EPC1: variants seen among roughly 807,000 people sequenced by gnomAD.
The protein encoded by EPC1 is enhancer of polycomb 1.
Under a neutral mutation model 98.4 loss-of-function variants are expected in EPC1, and 12 were observed. The observed-to-expected ratio is 0.12, with a 90% CI of 0.08 to 0.20. The LOEUF (loss-of-function observed/expected upper bound fraction) is 0.20, where lower values mean the gene tolerates loss of function less well. Among genes scored for constraint, EPC1 ranks in the 10% least tolerant of loss-of-function variants. EPC1 has a pLI of 1.00. For synonymous variants in EPC1, 357 were observed against 363.9 expected, an observed-to-expected ratio of 0.98 and a Z score of 0.21; for missense variants, 729 against 990.5, an observed-to-expected ratio of 0.74 and a Z score of 3.54.
chr10:32,344,036 C>T (rs1167414665), intron 1 of EPC1, among the ~76,000 whole-genome samples: 2 of 152,098 alleles, frequency 1.3e-5, no homozygotes, highest in African/African-American at 4.8e-5. Context: ...TTACAGTGAC[C>T]TAATAAGATA....
At chr10:32,326,996 T>C (rs1837318513) in intron 1 of EPC1, among the ~76,000 whole-genome samples, 1 of 20,796 alleles carries the variant, frequency 4.8e-5, no homozygotes, top group Non-Finnish European at 9.4e-5. Flanking sequence ...GAGAGGGTCC[T>C]CAAAAAAAAA....
chr10:32,344,045 TAAC>T (rs1253169600), intron 1 of EPC1, among the ~76,000 whole-genome samples: 1 of 152,222 alleles, frequency 6.6e-6, no homozygotes, highest in Non-Finnish European at 1.5e-5. Context: ...CCTAATAAGA[TAAC>T]AAATAACTAA....
chr10:32,349,157 C>T (rs1156977094), upstream of EPC1, among the ~76,000 whole-genome samples: 1 of 152,094 alleles, frequency 6.6e-6, no homozygotes, highest in Non-Finnish European at 1.5e-5. Context: ...CTCCAGCCTA[C>T]AACATTAGGT....
At position 32,292,480 on chromosome 10, in the gene EPC1, T is replaced by C. The variant is rs763036744; in HGVS notation, c.815+16A>G. 4 of 1,532,576 alleles carry C rather than the reference T, an allele frequency of 2.6e-6. No individual in the cohort carries two copies. The South Asian group carries it at 3.7e-5, about 14-fold the overall frequency. The allele number at this position is 1,532,576 out of a possible 1,614,324, so 94.9% of individuals were successfully genotyped here. On this transcript the variant is annotated intron_variant, in intron 5 of 13. Coordinates refer to ENST00000319778, the MANE Select transcript of EPC1 (RefSeq NM_001272004.3). ...TGGCACTATACTTCCTCTAACATTA[T>C]TAAAATATACATTACCTCTTTTCCA...
chr10:32,290,505 A>AAAAAAAAAGAAAGAAAG (rs1554819136), intron 6 of EPC1, among the ~76,000 whole-genome samples: 1,016 of 77,314 alleles, frequency 0.013, 17 homozygotes, highest in Non-Finnish European at 0.019. Context: ...AAAAAAAAAA[A>AAAAAAAAAGAAAGAAAG]AAAGAAAGAA....
chr10:32,304,282 T>C (rs536882445), intron 2 of EPC1, among the ~76,000 whole-genome samples: 2 of 152,340 alleles, frequency 1.3e-5, no homozygotes, highest in African/African-American at 4.8e-5. Flanking sequence ...TATAATTTTA[T>C]CTTATTTTAC....
At chr10:32,344,543 T>C (rs181098410) in intron 1 of EPC1, among the ~76,000 whole-genome samples, 392 of 149,546 alleles carry the variant, frequency 2.6e-3, no homozygotes, top group African/African-American at 8.8e-3. Flanking sequence ...CCCAGCACTT[T>C]GGGAGGTCGA....
At chr10:32,294,899 G>T (rs1225905213) in intron 2 of EPC1, among the ~76,000 whole-genome samples, 2 of 151,956 alleles carry the variant, frequency 1.3e-5, no homozygotes, top group East Asian at 3.9e-4. Context: ...TTGATTTCAT[G>T]CAGTATGCTA....
Position 32,329,000 on chromosome 10 carries a change from G to A in EPC1, c.153+17763C>T, listed in dbSNP as rs540366690. ...TACTTGGGACTTCTGAGCTGGCTTC[G>A]CCGGGGGAGAGGAGTGTATTTTCTC... On this transcript the variant is annotated intron_variant, in intron 1 of 13. Coordinates refer to ENST00000319778, the MANE Select transcript of EPC1 (RefSeq NM_001272004.3). Among the ~76,000 whole-genome samples, 8 of 152,300 alleles carry A rather than the reference G, an allele frequency of 5.3e-5. No individual in the cohort carries two copies. The South Asian group carries it at 1.7e-3, about 32-fold the overall frequency.
At chr10:32,378,722 A>T in exon 1 of EPC1, 1 of 460,484 alleles carries the variant, frequency 2.2e-6, no homozygotes, top group Non-Finnish European at 4.0e-6. Context: ...TATCCACAGA[A>T]GATTAAAAGC....
intron 1 of EPC1, among the ~76,000 whole-genome samples, chr10:32,366,378 T>G (rs1159745274): frequency 2.0e-5 from 3 of 152,158 alleles, no homozygotes; most frequent in East Asian, 1.9e-4. Context: ...GTTTGAAAGG[T>G]AACATTTTAA....
At chr10:32,360,894 CA>C (rs34674243) in intron 1 of EPC1, among the ~76,000 whole-genome samples, 32 of 142,776 alleles carry the variant, frequency 2.2e-4, no homozygotes, top group Admixed American at 2.8e-4. Context: ...ACTCCATCTC[CA>C]AAAAAAAAAA....
chr10:32,363,933 A>G (rs1384564878), intron 1 of EPC1, among the ~76,000 whole-genome samples: 1 of 151,986 alleles, frequency 6.6e-6, no homozygotes, highest in Non-Finnish European at 1.5e-5. Context: ...GTGGGAATAA[A>G]AAACAAAACA....
intron 6 of EPC1, among the ~76,000 whole-genome samples, chr10:32,289,340 A>G (rs1414204051): frequency 6.7e-6 from 1 of 148,690 alleles, no homozygotes; most frequent in Non-Finnish European, 1.5e-5. Context: ...CCATGTTAAC[A>G]AAGTGGGAAA....
chr10:32,353,405 G>A (rs961461536), intron 1 of EPC1, among the ~76,000 whole-genome samples: 4 of 152,090 alleles, frequency 2.6e-5, no homozygotes, highest in African/African-American at 9.7e-5. Context: ...TAATTTTAGG[G>A]CTGTCTTTTT....
chr10:32,295,981 T>A (rs1219338468), intron 2 of EPC1, among the ~76,000 whole-genome samples: 1 of 151,750 alleles, frequency 6.6e-6, no homozygotes, highest in Non-Finnish European at 1.5e-5. Flanking sequence ...TGGAGTGCAG[T>A]GGGGCGATCT....
intron 1 of EPC1, among the ~76,000 whole-genome samples, chr10:32,375,116 G>A (rs769858064): frequency 1.4e-4 from 22 of 152,070 alleles, no homozygotes; most frequent in Middle Eastern, 3.4e-3. Context: ...TATCTGTATC[G>A]TCTTATGGAA....
chr10:32,278,132 C>T (rs897129785), intron 10 of EPC1, among the ~76,000 whole-genome samples: 1 of 151,152 alleles, frequency 6.6e-6, no homozygotes, highest in Non-Finnish European at 1.5e-5. Context: ...CCCAGGCCTC[C>T]CGGGTTCAAG....
At chr10:32,358,265 A>G (rs1839337701) in intron 1 of EPC1, among the ~76,000 whole-genome samples, 2 of 152,230 alleles carry the variant, frequency 1.3e-5, no homozygotes, top group Non-Finnish European at 2.9e-5. Context: ...CTTAAGAATT[A>G]CCCTCTTAAA....
Sources: gnomAD v4.1 joint callset for allele counts (sites outside exome capture counted in the v4.1 genomes callset) on GRCh38, gnomAD v4.1.1 for gene constraint, MANE v1.5 for transcripts, NCBI Gene and HGNC (gene_info 2026-07-23, HGNC 2026-07-21) for gene names.